Variants in HNRNPDL observed in about 807,000 individuals in gnomAD.
HNRNPDL encodes the protein heterogeneous nuclear ribonucleoprotein D-like.
Under a neutral mutation model 48.0 loss-of-function variants are expected in HNRNPDL, and 18 were observed. That is an observed-to-expected ratio of 0.38 (90% CI 0.26 to 0.56). The LOEUF (loss-of-function observed/expected upper bound fraction) is 0.56, where lower values mean the gene tolerates loss of function less well. Ranked by LOEUF, HNRNPDL falls within the 20% of genes least tolerant of loss-of-function variation. HNRNPDL has a pLI of 0.77. For missense variants in HNRNPDL, 553 were observed against 540.7 expected, an observed-to-expected ratio of 1.02 and a Z score of -0.23; for synonymous variants, 306 against 207.3, an observed-to-expected ratio of 1.48 and a Z score of -4.09.
intron 1 of HNRNPDL, among the ~76,000 whole-genome samples, chr4:82,428,994 G>A (rs1578085709): frequency 6.6e-6 from 1 of 152,118 alleles, no homozygotes; most frequent in African/African-American, 2.4e-5. Context: ...GGTCCCACGC[G>A]GCGCCTGCGC....
chr4:82,429,020 G>A (rs1234831852), intron 1 of HNRNPDL, among the ~76,000 whole-genome samples: 12 of 152,034 alleles, frequency 7.9e-5, no homozygotes, highest in Admixed American at 7.9e-4. Flanking sequence ...GGACACAGAC[G>A]CCGCCGCCCT....
chr4:82,429,762 G>T lies in HNRNPDL; in HGVS notation c.-72C>A. The T allele has an allele frequency of 8.3e-7, 1 of 1,200,226 alleles. No homozygotes were observed. The highest frequency in any genetic ancestry group is 1.1e-6 in the Non-Finnish European group (1 of 933,560). 74.3% of individuals were successfully genotyped at this position (1,200,226 alleles called of 1,614,324 possible). On this transcript the variant is annotated 5_prime_UTR_variant, in exon 1 of 8. Coordinates refer to ENST00000295470, the MANE Select transcript of HNRNPDL (RefSeq NM_031372.4). Reference sequence around the variant, plus strand: ...GCTTGGGAGAAGAGAAGAATCAGAAGAGAAAAACGAAGGGGCGTAAATTCC... The same window carrying T: ...GCTTGGGAGAAGAGAAGAATCAGAATAGAAAAACGAAGGGGCGTAAATTCC...
Position 82,422,605 on chromosome 4 carries a change from A to G in HNRNPDL, c.*2301T>C, listed in dbSNP as rs1721225854. On this transcript the variant is annotated 3_prime_UTR_variant, in exon 8 of 8. Transcript: ENST00000295470. ...ATCTCATTTTAATAGTCCTCATCTT[A>G]TAAAAGTGAGATTACAGATTAACAT... 1 of 152,226 alleles carries G rather than the reference A, an allele frequency of 6.6e-6. No individual in the cohort carries two copies. The highest frequency in any genetic ancestry group is 1.5e-5 in the Non-Finnish European group (1 of 68,048). 9.4% of individuals were successfully genotyped at this position (152,226 alleles called of 1,614,324 possible). A position where few individuals can be genotyped will look rare whatever the true frequency, so the allele number is the denominator to read the frequency against.
In HNRNPDL at chr4:82,427,186, T is replaced by C; in HGVS notation, c.1021+4A>G. On this transcript the variant is annotated splice_donor_region_variant and intron_variant, in intron 5 of 7. Transcript: ENST00000295470. ...GGAGTCATATTTCAAGAATTAAGTCTCACCTCGGCCACGACCCCTCGTACC... is the reference window on the plus strand; with the variant it reads ...GGAGTCATATTTCAAGAATTAAGTCCCACCTCGGCCACGACCCCTCGTACC... The C allele has an allele frequency of 6.3e-7, 1 of 1,584,942 alleles. No homozygotes were observed. Among genetic ancestry groups the C allele is most frequent in the Non-Finnish European group, 8.7e-7 (1 of 1,153,720 alleles).
chr4:82,424,724 G>C lies in HNRNPDL; in HGVS notation c.*182C>G, dbSNP rs745750180. The C allele has an allele frequency of 6.6e-6, 1 of 152,538 alleles. No homozygotes were observed. The highest frequency in any genetic ancestry group is 6.5e-5 in the Admixed American group (1 of 15,280). The allele number at this position is 152,538 out of a possible 1,614,324, so 9.4% of individuals were successfully genotyped here. A position where few individuals can be genotyped will look rare whatever the true frequency, so the allele number is the denominator to read the frequency against. On this transcript the variant is annotated 3_prime_UTR_variant, in exon 8 of 8. Coordinates refer to ENST00000295470, the MANE Select transcript of HNRNPDL (RefSeq NM_031372.4). Reference sequence around the variant, plus strand: ...ATTGAGTCATAACACAGATAGCAAAGGACAAAGTAAAAACAAAGAAAACTA... The same window carrying C: ...ATTGAGTCATAACACAGATAGCAAACGACAAAGTAAAAACAAAGAAAACTA...
At position 82,430,314 on chromosome 4, in the gene HNRNPDL, G is replaced by A. The variant is rs1721681460; in HGVS notation, c.-624C>T. On this transcript the variant is annotated 5_prime_UTR_variant, in exon 1 of 8. Transcript: ENST00000295470. ...GAGGCGGTGGGCGGGGAGGGGGCTG[G>A]ATTCAGTAGAGGGCAAGGGGCACTC... 1.3e-5 allele frequency: 2 copies of A among 154,146 alleles called. No homozygotes were observed. The highest frequency in any genetic ancestry group is 4.8e-5 in the African/African-American group (2 of 41,476). The allele number at this position is 154,146 out of a possible 1,614,324, so 9.5% of individuals were successfully genotyped here.
chr4:82,425,987 T>C (rs1721390539), intron 7 of HNRNPDL, 50 bp downstream of exon 7: 2 of 1,203,718 alleles, frequency 1.7e-6, no homozygotes, highest in South Asian at 1.2e-5. Flanking sequence ...TCTATTGATC[T>C]TTAAATTAAA....
chr4:82,426,375 G>A (rs1721407618), intron 6 of HNRNPDL, 88 bp downstream of exon 6: 8 of 1,193,294 alleles, frequency 6.7e-6, no homozygotes, highest in Admixed American at 1.8e-5. Context: ...TTAATGGAAA[G>A]CCCATACACA....
Position 82,429,799 on chromosome 4 carries a change from G to A in HNRNPDL, c.-109C>T. The stretch of plus-strand genomic sequence containing the variant: ...GGGGCGTAAATTCCTGGGGTCAGCA[G>A]TCCCGAGCAGAGCCGACGCAGGGCC... On this transcript the variant is annotated 5_prime_UTR_variant, in exon 1 of 8. Coordinates refer to ENST00000295470, the MANE Select transcript of HNRNPDL (RefSeq NM_031372.4). The A allele has an allele frequency of 1.2e-6, 1 of 842,248 alleles. No individual in the cohort carries two copies. The allele number at this position is 842,248 out of a possible 1,614,324, so 52.2% of individuals were successfully genotyped here. A position where few individuals can be genotyped will look rare whatever the true frequency, so the allele number is the denominator to read the frequency against.
chr4:82,425,021 TAC>T (rs1051633759), intron 7 of HNRNPDL, 138 bp from the exon 8 acceptor site: 1 of 152,224 alleles, frequency 6.6e-6, no homozygotes, highest in Admixed American at 6.5e-5. Flanking sequence ...ATTGGTAAAA[TAC>T]AGTTTGGGTA....
chr4:82,425,769 A>G, intron 7 of HNRNPDL: 1 of 378,590 alleles, frequency 2.6e-6, no homozygotes, highest in Non-Finnish European at 4.8e-6. Flanking sequence ...ATAGTTCTAA[A>G]ATGTTTAATT....
rs753271491 is a variant in HNRNPDL, at chr4:82,429,742, GGAGAA to G, written c.-57_-53del. 52 of 1,282,050 alleles carry G rather than the reference GGAGAA, an allele frequency of 4.1e-5. No homozygotes were observed. The highest frequency in any genetic ancestry group is 3.3e-5 in the Non-Finnish European group (33 of 1,002,814). The allele number at this position is 1,282,050 out of a possible 1,614,324, so 79.4% of individuals were successfully genotyped here. A position where few individuals can be genotyped will look rare whatever the true frequency, so the allele number is the denominator to read the frequency against. On this transcript the variant is annotated 5_prime_UTR_variant, in exon 1 of 8. Transcript: ENST00000295470. ...CCACGCGTGAGGGGACGCGGGCTTG[GGAGAA>G]GAGAAGAATCAGAAGAGAAAAACGA...
intron 7 of HNRNPDL, chr4:82,425,218 A>G (rs1721369399): frequency 6.6e-6 from 1 of 152,244 alleles, no homozygotes; most frequent in African/African-American, 2.4e-5. Context: ...AGTTTATTAC[A>G]AGAACATAAA....
At position 82,429,396 on chromosome 4, in the gene HNRNPDL, C is replaced by A; in HGVS notation, c.295G>T (p.Ala99Ser). 1.2e-6 allele frequency: 2 copies of A among 1,613,390 alleles called. No individual in the cohort carries two copies. The highest frequency in any genetic ancestry group is 1.1e-5 in the South Asian group (1 of 91,066). Residue 99 changes from alanine (A) to serine (S), a missense_variant, in exon 1 of 8, where the codon GCC (alanine) becomes TCC (serine). By Grantham distance (99) the Ala-to-Ser change is moderately conservative (BLOSUM62 1). Coordinates refer to ENST00000295470, the MANE Select transcript of HNRNPDL (RefSeq NM_031372.4). ...GTCCGGGTCGCGGCAGCAGCGGCGG[C>A]GGAGCGTTGTATGGAGCTGGATTTA... ...HFKSSSIQRS[A>S]AAAAATRTAR...
In HNRNPDL at chr4:82,429,457, C is replaced by T. The variant is rs377010542; in HGVS notation, c.234G>A (p.Gly78=). 2.1e-5 allele frequency: 34 copies of T among 1,604,378 alleles called. No individual in the cohort carries two copies. Among genetic ancestry groups the T allele is most frequent in the Non-Finnish European group, 2.8e-5 (33 of 1,175,638 alleles). Residue 78 remains glycine, a synonymous_variant, in exon 1 of 8, where the codon GGG becomes GGA. Transcript: ENST00000295470. ...GGAAGAGATCCGGGCGCCGCCTGCG[C>T]CCTCCCTTTATAGCCGCCCCGCCCG... ...RLAGGAAIKG[G]RRRRPDLFRR...
rs1341956608 is a variant in HNRNPDL, at chr4:82,427,200, A to G, written c.1011T>C (p.Gly337=). ...AAAGGRGGTR[G]RGRGQGQNWN... ...AGAATTAAGTCTCACCTCGGCCACG[A>G]CCCCTCGTACCACCTCGTCCACCAG... is the stretch of plus-strand genomic sequence containing the variant. The change falls in exon 5 of 8, where the codon GGT becomes GGC. Residue 337 remains glycine, a synonymous_variant. Transcript: ENST00000295470. 1.2e-6 allele frequency: 2 copies of G among 1,610,076 alleles called. No individual in the cohort carries two copies. The highest frequency in any genetic ancestry group is 2.2e-5 in the East Asian group (1 of 44,856).
At chr4:82,425,280 TTTTGG>T (rs1163722555) in intron 7 of HNRNPDL, 1 of 152,194 alleles carries the variant, frequency 6.6e-6, no homozygotes, top group Admixed American at 6.5e-5. Flanking sequence ...AAAGTTCTTG[TTTTGG>T]TTTGTAGATT....
At chr4:82,427,985 T>C in intron 3 of HNRNPDL, 33 bp downstream of exon 3, 2 of 1,597,608 alleles carry the variant, frequency 1.3e-6, no homozygotes, top group Non-Finnish European at 1.7e-6. Context: ...TATAAACACA[T>C]CAAGCTTAAC....
chr4:82,426,681 T>G (rs1230510556), intron 5 of HNRNPDL, 48 bp from the exon 6 acceptor site: 1 of 1,508,238 alleles, frequency 6.6e-7, no homozygotes, highest in African/African-American at 1.4e-5. Flanking sequence ...TGACCCCCAA[T>G]TCTAACATAA....
Sources: allele counts gnomAD v4.1 joint callset (sites outside exome capture counted in the v4.1 genomes callset), GRCh38; gene constraint gnomAD v4.1.1; transcripts MANE v1.5; gene names NCBI Gene and HGNC (gene_info 2026-07-23, HGNC 2026-07-21).